GAS7: variants seen among roughly 807,000 people sequenced by gnomAD.
GAS7 encodes the protein growth arrest specific 7, also known as growth arrest-specific protein 7.
Under a neutral mutation model 71.1 loss-of-function variants are expected in GAS7, and 28 were observed. The ratio of observed to expected loss-of-function variants is 0.39; its 90% CI spans 0.29 to 0.54. GAS7 has a LOEUF of 0.54. Ranked by LOEUF, GAS7 falls within the 20% of genes least tolerant of loss-of-function variation. The pLI is 0.62. For missense variants in GAS7, 436 were observed against 627.8 expected (o/e 0.69, Z 3.27); for synonymous variants, 258 against 245.8 (o/e 1.05, Z -0.46).
chr17:10,094,152 A>G (rs1297114528), intron 1 of GAS7, among the ~76,000 whole-genome samples: 5 of 152,210 alleles, frequency 3.3e-5, no homozygotes, highest in Non-Finnish European at 5.9e-5. Flanking sequence ...CGCTAACCTA[A>G]GGCAAAGACC....
chr17:10,143,051 G>T (rs1176393730), intron 1 of GAS7, among the ~76,000 whole-genome samples: 4 of 151,324 alleles, frequency 2.6e-5, no homozygotes, highest in Non-Finnish European at 5.9e-5. Context: ...GCATAATGGT[G>T]GGTGCCTGTA....
At chr17:9,973,745 C>T (rs2070069367) in intron 3 of GAS7, among the ~76,000 whole-genome samples, 1 of 152,190 alleles carries the variant, frequency 6.6e-6, no homozygotes, top group African/African-American at 2.4e-5. Flanking sequence ...CATTCACACA[C>T]TCCAGAAAGA....
chr17:10,055,091 G>A (rs181840283), intron 1 of GAS7, among the ~76,000 whole-genome samples: 3 of 152,176 alleles, frequency 2.0e-5, no homozygotes, highest in Non-Finnish European at 2.9e-5. Context: ...AGAAGAGCAG[G>A]AATTTGGGAA....
chr17:10,134,336 C>CA (rs2074022401), intron 1 of GAS7, among the ~76,000 whole-genome samples: 1 of 152,138 alleles, frequency 6.6e-6, no homozygotes, highest in South Asian at 2.1e-4. Flanking sequence ...TTTATCCACT[C>CA]ATTCATTGGT....
At chr17:10,006,852 G>A (rs2071556520) in intron 2 of GAS7, among the ~76,000 whole-genome samples, 1 of 152,144 alleles carries the variant, frequency 6.6e-6, no homozygotes, top group African/African-American at 2.4e-5. Context: ...ATAAACACTG[G>A]CCAGGTGAAG....
At chr17:10,154,429 A>C (rs1463301689) in intron 1 of GAS7, among the ~76,000 whole-genome samples, 3 of 152,018 alleles carry the variant, frequency 2.0e-5, no homozygotes, top group African/African-American at 7.2e-5. Flanking sequence ...GCTTGAACCC[A>C]GGAGGTCGAG....
At chr17:10,074,112 C>T (rs1420109351) in intron 1 of GAS7, among the ~76,000 whole-genome samples, 1 of 152,134 alleles carries the variant, frequency 6.6e-6, no homozygotes, top group East Asian at 1.9e-4. Flanking sequence ...ACGTATGCAA[C>T]GATAACAGGA....
At chr17:10,160,936 C>CCACACA (rs1047217599) in intron 1 of GAS7, among the ~76,000 whole-genome samples, 43 of 93,750 alleles carry the variant, frequency 4.6e-4, no homozygotes, top group African/African-American at 1.8e-3. Flanking sequence ...GAAATTGAAA[C>CCACACA]CATACACACA....
At chr17:10,047,459 G>A (rs1485795492) in intron 1 of GAS7, among the ~76,000 whole-genome samples, 1 of 152,174 alleles carries the variant, frequency 6.6e-6, no homozygotes. Context: ...AGTGACAGTC[G>A]ATACTTTCTG....
chr17:10,142,676 CA>C (rs1165400798), intron 1 of GAS7, among the ~76,000 whole-genome samples: 1 of 152,126 alleles, frequency 6.6e-6, no homozygotes, highest in Non-Finnish European at 1.5e-5. Context: ...AAACAGAAAA[CA>C]TAACATAAAA....
In GAS7 at chr17:9,914,721, T is replaced by C. The variant is rs1224947415; in HGVS notation, c.*2507A>G. ...AGGGTTAAGTGTGGAGAGGGTACAATGTTCTTATTATACTCTTCTCAGTCG... is the reference window on the plus strand; with the variant it reads ...AGGGTTAAGTGTGGAGAGGGTACAACGTTCTTATTATACTCTTCTCAGTCG... On this transcript the variant is annotated 3_prime_UTR_variant, in exon 14 of 14. Coordinates refer to ENST00000432992, the MANE Select transcript of GAS7 (RefSeq NM_201433.2). 4.5e-6 allele frequency: 1 copy of C among 222,148 alleles called. No homozygotes were observed. Among genetic ancestry groups the C allele is most frequent in the Admixed American group, 5.7e-5 (1 of 17,392 alleles). The allele number at this position is 222,148 out of a possible 1,614,324, so 13.8% of individuals were successfully genotyped here. A position where few individuals can be genotyped will look rare whatever the true frequency, so the allele number is the denominator to read the frequency against.
At chr17:10,109,076 T>C (rs7208558) in intron 1 of GAS7, among the ~76,000 whole-genome samples, 60,004 of 151,740 alleles carry the variant, frequency 0.4, 12,524 homozygotes, top group African/African-American at 0.52. Context: ...ATTTATCTGA[T>C]GAGGGACTAA....
rs760146392 is a variant in GAS7, at chr17:9,959,265, G to C, written c.472-10C>G. 1.9e-6 allele frequency: 3 copies of C among 1,614,076 alleles called. No individual in the cohort carries two copies. The highest frequency in any genetic ancestry group is 1.3e-5 in the African/African-American group (1 of 75,058). ...ATGAGGATCCCAGGTTCTGGGGAGA[G>C]AGGCAAGAAACATCGTCAAAGCTGT... is the stretch of plus-strand genomic sequence containing the variant. On this transcript the variant is annotated splice_polypyrimidine_tract_variant and intron_variant, in intron 4 of 13. Coordinates refer to ENST00000432992, the MANE Select transcript of GAS7 (RefSeq NM_201433.2). This position sits in a 1 kb window ranked among gnomAD's most constrained non-coding sequence, Gnocchi z 5.0.
At chr17:10,041,663 C>T (rs1197798880) in intron 1 of GAS7, among the ~76,000 whole-genome samples, 1 of 152,172 alleles carries the variant, frequency 6.6e-6, no homozygotes, top group Non-Finnish European at 1.5e-5. Context: ...CATCTCAATC[C>T]AGAAGTCACT....
intron 1 of GAS7, among the ~76,000 whole-genome samples, chr17:10,128,385 G>A (rs924137436): frequency 3.3e-5 from 5 of 152,220 alleles, no homozygotes; most frequent in African/African-American, 1.2e-4. Flanking sequence ...GAGTGGACGG[G>A]AGGGGTGGAT....
intron 1 of GAS7, among the ~76,000 whole-genome samples, chr17:10,094,463 C>T (rs2073620216): frequency 6.6e-6 from 1 of 152,012 alleles, no homozygotes; most frequent in African/African-American, 2.4e-5. Context: ...ATTTCTTTTT[C>T]TTTTTCTTTT....
intron 3 of GAS7, among the ~76,000 whole-genome samples, chr17:9,975,228 G>A (rs1047630082): frequency 1.4e-4 from 21 of 152,268 alleles, no homozygotes; most frequent in South Asian, 2.1e-4. Flanking sequence ...GGTGGCGCAC[G>A]CCTGTAATCC....
intron 1 of GAS7, among the ~76,000 whole-genome samples, chr17:10,080,366 T>C (rs1295736132): frequency 1.3e-5 from 2 of 152,190 alleles, no homozygotes; most frequent in Non-Finnish European, 2.9e-5. Context: ...GGAAAATTCA[T>C]GAATAATCCA....
At chr17:10,012,300 T>C (rs2071805484) in intron 2 of GAS7, among the ~76,000 whole-genome samples, 2 of 152,084 alleles carry the variant, frequency 1.3e-5, no homozygotes, top group Non-Finnish European at 1.5e-5. Context: ...TTTTATTTAT[T>C]TATTTGAGAC....
Sources: allele counts gnomAD v4.1 joint callset (sites outside exome capture counted in the v4.1 genomes callset), GRCh38; gene constraint gnomAD v4.1.1; non-coding constraint Gnocchi (gnomAD v3.1); transcripts MANE v1.5; gene names NCBI Gene and HGNC (gene_info 2026-07-23, HGNC 2026-07-21).